Variants in WNT10B observed in about 807,000 individuals in gnomAD.
The protein encoded by WNT10B is protein Wnt-10b.
WNT10B carries 26 observed loss-of-function variants against 32.7 expected under a neutral mutation model. The ratio of observed to expected loss-of-function variants is 0.79; its 90% confidence interval spans 0.58 to 1.10. WNT10B has a LOEUF of 1.10. Ranked by LOEUF, WNT10B falls within the 50% of genes least tolerant of loss-of-function variation. The probability of loss-of-function intolerance (pLI) is 0.00; values close to 1 mark genes in which losing one functional copy is unlikely to be tolerated. For missense variants in WNT10B, 474 were observed against 532.5 expected (o/e 0.89, Z 1.08); for synonymous variants, 204 against 220.4 (o/e 0.93, Z 0.66).
chr12:48,966,372 C>T lies in WNT10B; in HGVS notation c.893G>A (p.Arg298His), dbSNP rs747062251. ...TCCTGAGAGGCGACGGGGACGCAGA[C>T]GGGGCTGGAAGGCTCCAGAATTGCG... ...HNRNSGAFQP[R>H]LRPRRLSGEL... The change falls in exon 5 of 5, where the codon CGT becomes CAT. Residue 298 changes from arginine (R) to histidine (H), a missense_variant. Coordinates refer to ENST00000301061, the MANE Select transcript of WNT10B (RefSeq NM_003394.4). 2.2e-5 allele frequency: 35 copies of T among 1,614,046 alleles called. No individual in the cohort carries two copies. The South Asian group carries it at 2.6e-4, about 12-fold the overall frequency.
Position 48,970,607 on chromosome 12 carries a change from G to T in WNT10B, c.-40-38C>A. On this transcript the variant is annotated intron_variant, in intron 1 of 4. Transcript: ENST00000301061. The surrounding 1 kb of genome is among the most constrained non-coding windows in gnomAD (Gnocchi z 5.0). ...AGACTTGATGCGGGTTCAGGAATAGGGCGGCTCGCTTGGGGAACCAAGTGA... is the reference window on the plus strand; with the variant it reads ...AGACTTGATGCGGGTTCAGGAATAGTGCGGCTCGCTTGGGGAACCAAGTGA... 4.6e-6 allele frequency: 7 copies of T among 1,519,072 alleles called. No individual in the cohort carries two copies. Among genetic ancestry groups the T allele is most frequent in the African/African-American group, 4.1e-5 (3 of 72,426 alleles). The allele number at this position is 1,519,072 out of a possible 1,614,324, so 94.1% of individuals were successfully genotyped here. A position where few individuals can be genotyped will look rare whatever the true frequency, so the allele number is the denominator to read the frequency against.
chr12:48,966,658 GA>G (rs1254006814), intron 4 of WNT10B, 105 bp from the exon 5 acceptor site: 1 of 1,300,546 alleles, frequency 7.7e-7, no homozygotes, highest in Admixed American at 1.9e-5. Context: ...GGGACAAATG[GA>G]GGCAAGAATA....
chr12:48,970,133 T>A lies in WNT10B; in HGVS notation c.293A>T (p.Glu98Val). 1 of 1,532,352 alleles carries A rather than the reference T, an allele frequency of 6.5e-7. No homozygotes were observed. The highest frequency in any genetic ancestry group is 8.8e-7 in the Non-Finnish European group (1 of 1,142,832). The allele number at this position is 1,532,352 out of a possible 1,614,324, so 94.9% of individuals were successfully genotyped here. ...GTGGTGCGGCAGGCGGCCGCCGCCC[T>A]CAAGCGCGGAGCAGTTCCAGCGCTG... is the stretch of plus-strand genomic sequence containing the variant. ...RDQRWNCSAL[E>V]GGGRLPHHSA... The change falls in exon 3 of 5, where the codon GAG becomes GTG. Residue 98 changes from glutamate to valine, a missense_variant. Glu to Val is a moderately radical substitution (Grantham distance 121). Coordinates refer to ENST00000301061, the MANE Select transcript of WNT10B (RefSeq NM_003394.4). The surrounding 1 kb of genome is among the most constrained non-coding windows in gnomAD (Gnocchi z 5.0).
Position 48,966,207 on chromosome 12 carries a change from T to C in WNT10B, c.1058A>G (p.His353Arg). The C allele has an allele frequency of 6.2e-7, 1 of 1,613,844 alleles. No homozygotes were observed. The highest frequency in any genetic ancestry group is 8.5e-7 in the Non-Finnish European group (1 of 1,179,856). ...GCGSLCCGRG[H>R]NVLRQTRVER... ...AACTCGTGTCTGCCGGAGCACGTTGTGCCCACGGCCACAGCACAGGCTGCC... is the reference window on the plus strand; with the variant it reads ...AACTCGTGTCTGCCGGAGCACGTTGCGCCCACGGCCACAGCACAGGCTGCC... The change falls in exon 5 of 5, where the codon CAC becomes CGC. Residue 353 changes from histidine to arginine, a missense_variant. Coordinates refer to ENST00000301061, the MANE Select transcript of WNT10B (RefSeq NM_003394.4).
At chr12:48,969,113 T>G in intron 3 of WNT10B, 1 of 470,918 alleles carries the variant, frequency 2.1e-6, no homozygotes, top group South Asian at 1.5e-5. Context: ...TGCTCACCAT[T>G]TGGGTGTCCA....
At position 48,967,965 on chromosome 12, in the gene WNT10B, T is replaced by C. The variant is rs1339793641; in HGVS notation, c.692A>G (p.Asn231Ser). The C allele has an allele frequency of 2.5e-6, 4 of 1,614,082 alleles. No homozygotes were observed. The highest frequency in any genetic ancestry group is 2.7e-5 in the African/African-American group (2 of 74,920). ...ACATACCTGGCGCCCCACCCTGTTG[T>C]TGTGGATTCGCATTCGTGCCTGGAT... ...RDIQARMRIH[N>S]NRVGRQVVTE... The change falls in exon 4 of 5, where the codon AAC (asparagine) becomes AGC (serine). Residue 231 changes from asparagine to serine, a missense_variant. Coordinates refer to ENST00000301061, the MANE Select transcript of WNT10B (RefSeq NM_003394.4).
At chr12:48,971,128 GGGA>G (rs1168509305) in intron 1 of WNT10B, among the ~76,000 whole-genome samples, 3 of 152,146 alleles carry the variant, frequency 2.0e-5, no homozygotes, top group Admixed American at 2.0e-4. Flanking sequence ...AGGAAAGATG[GGGA>G]GGAGAGCCTG....
At chr12:48,967,614 A>G (rs1163640049) in intron 4 of WNT10B, among the ~76,000 whole-genome samples, 2 of 151,884 alleles carry the variant, frequency 1.3e-5, no homozygotes. Context: ...CTGTTTTTAT[A>G]TGTATAATTT....
At position 48,970,171 on chromosome 12, in the gene WNT10B, G is replaced by T; in HGVS notation, c.255C>A (p.His85Gln). ...GLHIAVHECQ[H>Q]QLRDQRWNCS... ...AGTTCCAGCGCTGGTCGCGCAGCTGGTGCTGACACTCGTGGACCGCGATGT... is the reference window on the plus strand; with the variant it reads ...AGTTCCAGCGCTGGTCGCGCAGCTGTTGCTGACACTCGTGGACCGCGATGT... Residue 85 changes from histidine to glutamine, a missense_variant, in exon 3 of 5, where the codon CAC (histidine) becomes CAA (glutamine). By Grantham distance (24) the His-to-Gln change is conservative (BLOSUM62 0). Coordinates refer to ENST00000301061, the MANE Select transcript of WNT10B (RefSeq NM_003394.4). The surrounding 1 kb of genome is among the most constrained non-coding windows in gnomAD (Gnocchi z 5.0). 1.3e-6 allele frequency: 2 copies of T among 1,558,762 alleles called. No individual in the cohort carries two copies. The highest frequency in any genetic ancestry group is 1.2e-5 in the South Asian group (1 of 85,576).
Position 48,970,252 on chromosome 12 carries a change from C to A in WNT10B, c.174G>T (p.Gln58His). The change falls in exon 3 of 5, where the codon CAG becomes CAT. Residue 58 changes from glutamine (Q) to histidine (H), a missense_variant. Physicochemically the swap from Gln to His is conservative, Grantham distance 24 (BLOSUM62 0). Coordinates refer to ENST00000301061, the MANE Select transcript of WNT10B (RefSeq NM_003394.4). The surrounding 1 kb of genome is among the most constrained non-coding windows in gnomAD (Gnocchi z 5.0). ...CGGGGTTGCGCAGGCACAGGCCTAG[C>A]TGCCGCTTGCTCAGGCCGGACAGCG... is the stretch of plus-strand genomic sequence containing the variant. The part of the protein sequence containing the change: ...CLTLSGLSKR[Q>H]LGLCLRNPDV... 1 of 1,612,274 alleles carries A rather than the reference C, an allele frequency of 6.2e-7. No individual in the cohort carries two copies.
rs1044622027 is a variant in WNT10B, at chr12:48,970,583, G to A, written c.-40-14C>T. 41 of 1,544,358 alleles carry A rather than the reference G, an allele frequency of 2.7e-5. No homozygotes were observed. Among genetic ancestry groups the A allele is most frequent in the Non-Finnish European group, 3.3e-5 (38 of 1,140,620 alleles). On this transcript the variant is annotated splice_polypyrimidine_tract_variant and intron_variant, in intron 1 of 4. Coordinates refer to ENST00000301061, the MANE Select transcript of WNT10B (RefSeq NM_003394.4). The surrounding 1 kb of genome is among the most constrained non-coding windows in gnomAD (Gnocchi z 5.0). Reference sequence around the variant, plus strand: ...ATCGATCAGGACCTGCGGGACGGGAGACTTGATGCGGGTTCAGGAATAGGG... The same window carrying A: ...ATCGATCAGGACCTGCGGGACGGGAAACTTGATGCGGGTTCAGGAATAGGG...
In WNT10B at chr12:48,971,624, C is replaced by T; in HGVS notation, c.-210G>A. 1 of 152,770 alleles carries T rather than the reference C, an allele frequency of 6.5e-6. No homozygotes were observed. Among genetic ancestry groups the T allele is most frequent in the Non-Finnish European group, 1.5e-5 (1 of 68,514 alleles). The allele number at this position is 152,770 out of a possible 1,614,324, so 9.5% of individuals were successfully genotyped here. A position where few individuals can be genotyped will look rare whatever the true frequency, so the allele number is the denominator to read the frequency against. On this transcript the variant is annotated 5_prime_UTR_variant, in exon 1 of 5. Transcript: ENST00000301061. Reference sequence around the variant, plus strand: ...CACCGCTTCCCCAGCGCCGCCGCGGCCGCCGGGAGGAAGGGAGGGAGGAAG... The same window carrying T: ...CACCGCTTCCCCAGCGCCGCCGCGGTCGCCGGGAGGAAGGGAGGGAGGAAG...
At chr12:48,967,323 G>A (rs1427750596) in intron 4 of WNT10B, among the ~76,000 whole-genome samples, 2 of 152,120 alleles carry the variant, frequency 1.3e-5, no homozygotes, top group Non-Finnish European at 2.9e-5. Context: ...ATGCCACCAT[G>A]CCCGGGTAAT....
chr12:48,965,833 C>T lies in WNT10B; in HGVS notation c.*262G>A, dbSNP rs775673343. ...GAGTTGAGAAGTGGGAGGAGCAATA[C>T]AGTGCATTTCATCTTAGTCCATTCA... On this transcript the variant is annotated 3_prime_UTR_variant, in exon 5 of 5. Transcript: ENST00000301061. The T allele has an allele frequency of 3.4e-5, 18 of 535,054 alleles. No individual in the cohort carries two copies. Among genetic ancestry groups the T allele is most frequent in the Non-Finnish European group, 6.1e-5 (18 of 295,706 alleles). 33.1% of individuals were successfully genotyped at this position (535,054 alleles called of 1,614,324 possible).
intron 4 of WNT10B, 97 bp from the exon 5 acceptor site, chr12:48,966,650 G>T: frequency 7.3e-7 from 1 of 1,372,340 alleles, no homozygotes; most frequent in Non-Finnish European, 1.0e-6. Context: ...CACAGGGAGG[G>T]ACAAATGGAG....
chr12:48,968,996 T>A (rs833834), intron 3 of WNT10B: 1 of 454,696 alleles, frequency 2.2e-6, no homozygotes, highest in South Asian at 1.6e-5. Context: ...GGAGAGAGGT[T>A]GGGGAGTGAT....
chr12:48,965,613 C>T lies in WNT10B; in HGVS notation c.*482G>A, dbSNP rs1940716729. 1 of 162,390 alleles carries T rather than the reference C, an allele frequency of 6.2e-6. No individual in the cohort carries two copies. Among genetic ancestry groups the T allele is most frequent in the African/African-American group, 2.4e-5 (1 of 41,610 alleles). 10.1% of individuals were successfully genotyped at this position (162,390 alleles called of 1,614,324 possible). A position where few individuals can be genotyped will look rare whatever the true frequency, so the allele number is the denominator to read the frequency against. On this transcript the variant is annotated 3_prime_UTR_variant, in exon 5 of 5. Transcript: ENST00000301061. Reference sequence around the variant, plus strand: ...GAAAAACCTCTCTACCACTGTCTCCCATTATCCCACAAGAGGGAGCCCAGG... The same window carrying T: ...GAAAAACCTCTCTACCACTGTCTCCTATTATCCCACAAGAGGGAGCCCAGG...
rs79737733 is a variant in WNT10B, at chr12:48,967,184, G to A, written c.712-631C>T. Among the ~76,000 whole-genome samples, 5 of 86,184 alleles carry A rather than the reference G, an allele frequency of 5.8e-5. No individual in the cohort carries two copies. In the East Asian group the frequency reaches 1.8e-3, roughly 32 times the overall value. 56.5% of individuals were successfully genotyped at this position (86,184 alleles called of 152,430 possible). A position where few individuals can be genotyped will look rare whatever the true frequency, so the allele number is the denominator to read the frequency against. On this transcript the variant is annotated intron_variant, in intron 4 of 4. Transcript: ENST00000301061. ...TTTTGTCTTTTTTTTTTTTTTTTTTGAGAGGGAGTCTTGCTCTGTCGCCCA... is the reference window on the plus strand; with the variant it reads ...TTTTGTCTTTTTTTTTTTTTTTTTTAAGAGGGAGTCTTGCTCTGTCGCCCA...
chr12:48,967,069 C>T (rs1221290075), intron 4 of WNT10B, among the ~76,000 whole-genome samples: 1 of 152,182 alleles, frequency 6.6e-6, no homozygotes, highest in African/African-American at 2.4e-5. Context: ...CGGCTCACTG[C>T]AACCTCCGCC....
Sources: gnomAD v4.1 joint callset for allele counts (sites outside exome capture counted in the v4.1 genomes callset) on GRCh38, gnomAD v4.1.1 for gene constraint, Gnocchi (gnomAD v3.1) non-coding constraint, MANE v1.5 for transcripts, NCBI Gene and HGNC (gene_info 2026-07-23, HGNC 2026-07-21) for gene names.